The following GRIK1 variants were observed in gnomAD, a reference collection of about 807,000 sequenced individuals.
GRIK1 encodes glutamate receptor ionotropic, kainate 1.
In GRIK1, 69 loss-of-function variants were observed where a neutral mutation model predicts 105.7. That is an observed-to-expected ratio of 0.65 (90% CI 0.54 to 0.80). The LOEUF is 0.80. Ranked by LOEUF, GRIK1 falls within the 30% of genes least tolerant of loss-of-function variation. The pLI is 0.00. For missense variants in GRIK1, 1,109 were observed against 1,167.3 expected (o/e 0.95, Z 0.73); for synonymous variants, 438 against 431.3 (o/e 1.02, Z -0.19).
At chr21:29,726,285 T>C (rs917309227) in intron 1 of GRIK1, among the ~76,000 whole-genome samples, 3 of 152,180 alleles carry the variant, frequency 2.0e-5, no homozygotes, top group Non-Finnish European at 4.4e-5. Flanking sequence ...ATTTTTAGGG[T>C]TTTGTAAAAG....
chr21:29,587,595 AAAGC>A lies in GRIK1; in HGVS notation c.1570-10_1570-7del. On this transcript the variant is annotated splice_region_variant and splice_polypyrimidine_tract_variant and intron_variant, in intron 11 of 17. Coordinates refer to ENST00000327783, the MANE Select transcript of GRIK1 (RefSeq NM_001330994.2). ...GCCACTGCCAGGTCAGCCCTCTGCA[AAAGC>A]AAGTCCAAAATTGTCAGCTTAGTCT... 1 of 1,581,736 alleles carries A rather than the reference AAAGC, an allele frequency of 6.3e-7. No individual in the cohort carries two copies. The highest frequency in any genetic ancestry group is 8.7e-7 in the Non-Finnish European group (1 of 1,152,008).
chr21:29,795,192 C>T (rs540775149), intron 1 of GRIK1, among the ~76,000 whole-genome samples: 3 of 151,730 alleles, frequency 2.0e-5, no homozygotes, highest in Non-Finnish European at 2.9e-5. Context: ...CCTGCCACCA[C>T]GCCCGGCTAA....
At chr21:29,792,652 C>T (rs141953920) in intron 1 of GRIK1, among the ~76,000 whole-genome samples, 1 of 152,158 alleles carries the variant, frequency 6.6e-6, no homozygotes, top group South Asian at 2.1e-4. Context: ...ATTAAATATG[C>T]CTGCTCTGAA....
At chr21:29,752,006 G>A (rs181277566) in intron 1 of GRIK1, among the ~76,000 whole-genome samples, 2 of 152,300 alleles carry the variant, frequency 1.3e-5, no homozygotes, top group Admixed American at 6.5e-5. Flanking sequence ...TCTCAGTATA[G>A]AAAATCTGAA....
chr21:29,791,449 G>A (rs1375104115), intron 1 of GRIK1, among the ~76,000 whole-genome samples: 1 of 151,968 alleles, frequency 6.6e-6, no homozygotes, highest in East Asian at 1.9e-4. Flanking sequence ...GGACCCTTTG[G>A]ATTCAGCTAT....
intron 16 of GRIK1, among the ~76,000 whole-genome samples, chr21:29,545,646 G>A (rs536803707): frequency 1.8e-4 from 28 of 151,940 alleles, no homozygotes; most frequent in African/African-American, 6.3e-4. Context: ...TGCACTACAC[G>A]CATAGCTTTC....
rs368557467 is a variant in GRIK1 at position 29,596,574 on chromosome 21, G to A, written c.1207-4C>T. 5.9e-5 allele frequency: 94 copies of A among 1,603,706 alleles called. No individual in the cohort carries two copies. The East Asian group carries it at 6.2e-4, about 11-fold the overall frequency. The stretch of plus-strand genomic sequence containing the variant: ...GTTTAGACACTTCGCCAGCAGCCTT[G>A]GTTTTCAGAGAGAAAAATAAAATAA... On this transcript the variant is annotated splice_region_variant and splice_polypyrimidine_tract_variant and intron_variant, in intron 8 of 17. Coordinates refer to ENST00000327783, the MANE Select transcript of GRIK1 (RefSeq NM_001330994.2).
intron 13 of GRIK1, among the ~76,000 whole-genome samples, chr21:29,578,666 T>C (rs1413892647): frequency 6.6e-6 from 1 of 152,218 alleles, no homozygotes; most frequent in Non-Finnish European, 1.5e-5. Context: ...CACAGACTTA[T>C]AATAGTTTTC....
intron 1 of GRIK1, among the ~76,000 whole-genome samples, chr21:29,932,156 G>A (rs993690179): frequency 7.2e-5 from 11 of 152,078 alleles, no homozygotes; most frequent in Non-Finnish European, 1.3e-4. Flanking sequence ...CTAGTAAACT[G>A]GCAACTAATC....
chr21:29,690,209 T>C (rs1488819273), intron 2 of GRIK1, among the ~76,000 whole-genome samples: 3 of 152,180 alleles, frequency 2.0e-5, no homozygotes, highest in African/African-American at 4.8e-5. Flanking sequence ...TTAGAACTGA[T>C]TAGCAATATA....
At chr21:29,827,478 C>T (rs1191929384) in intron 1 of GRIK1, among the ~76,000 whole-genome samples, 2 of 152,068 alleles carry the variant, frequency 1.3e-5, no homozygotes, top group Non-Finnish European at 2.9e-5. Context: ...CTGTATGGCA[C>T]TCATAAGTCC....
At chr21:29,698,650 C>T (rs2063756981) in intron 1 of GRIK1, among the ~76,000 whole-genome samples, 1 of 152,084 alleles carries the variant, frequency 6.6e-6, no homozygotes, top group South Asian at 2.1e-4. Context: ...CAGTACAGAT[C>T]ACCTGCCAGT....
In GRIK1 at chr21:29,623,448, TA is replaced by T. The variant is rs543992550; in HGVS notation, c.1098+19377del. The stretch of plus-strand genomic sequence containing the variant: ...AAGACAGGCTTTTGAAAAATCTCCT[TA>T]AAAAAAAAAATCAATAGGAAGCTGA... On this transcript the variant is annotated intron_variant, in intron 7 of 17. Transcript: ENST00000327783. 9.4e-3 allele frequency among the ~76,000 whole-genome samples: 1,375 copies of T among 147,058 alleles called. 17 individuals are homozygous for T. The highest frequency in any genetic ancestry group is 0.031 in the African/African-American group (1,252 of 40,396).
chr21:29,861,879 G>A (rs1262880344), intron 1 of GRIK1, among the ~76,000 whole-genome samples: 1 of 151,986 alleles, frequency 6.6e-6, no homozygotes, highest in Non-Finnish European at 1.5e-5. Context: ...TTTTGTTGGG[G>A]ATTTTTGCAT....
At chr21:29,652,262 C>T (rs978326453) in intron 5 of GRIK1, among the ~76,000 whole-genome samples, 2 of 152,188 alleles carry the variant, frequency 1.3e-5, no homozygotes, top group Non-Finnish European at 2.9e-5. Flanking sequence ...TCTTGCACCC[C>T]AGGCTGTTCC....
At chr21:29,884,771 A>G (rs1274500383) in intron 1 of GRIK1, among the ~76,000 whole-genome samples, 1 of 152,080 alleles carries the variant, frequency 6.6e-6, no homozygotes, top group East Asian at 1.9e-4. Context: ...TTGACTAGTT[A>G]AAACTGACAC....
chr21:29,854,069 A>G (rs531723323), intron 1 of GRIK1, among the ~76,000 whole-genome samples: 1 of 152,268 alleles, frequency 6.6e-6, no homozygotes, highest in South Asian at 2.1e-4. Flanking sequence ...TGAGTAATTT[A>G]TATAAGTTTA....
At chr21:29,766,131 G>A (rs916317791) in intron 1 of GRIK1, among the ~76,000 whole-genome samples, 2 of 152,122 alleles carry the variant, frequency 1.3e-5, no homozygotes, top group African/African-American at 4.8e-5. Flanking sequence ...TTACAGGCAT[G>A]AGCCACCGTG....
At chr21:29,572,115 T>C (rs2062785451) in intron 14 of GRIK1, among the ~76,000 whole-genome samples, 2 of 152,196 alleles carry the variant, frequency 1.3e-5, no homozygotes, top group South Asian at 2.1e-4. Context: ...CTTGTGACTG[T>C]ACCTGCTGTC....
Sources: gnomAD v4.1 joint callset for allele counts (sites outside exome capture counted in the v4.1 genomes callset) on GRCh38, gnomAD v4.1.1 for gene constraint, MANE v1.5 for transcripts, NCBI Gene and HGNC (gene_info 2026-07-23, HGNC 2026-07-21) for gene names.